Variants in PLEKHA5 observed in about 807,000 individuals in gnomAD.
PLEKHA5 encodes the protein pleckstrin homology domain-containing family A member 5.
Under a neutral mutation model 181.9 loss-of-function variants are expected in PLEKHA5, and 55 were observed. That is an observed-to-expected ratio of 0.30 (90% CI 0.24 to 0.38). The LOEUF (loss-of-function observed/expected upper bound fraction) is 0.38, where lower values mean the gene tolerates loss of function less well. Among genes scored for constraint, PLEKHA5 ranks in the 10% least tolerant of loss-of-function variants. The pLI is 1.00. For missense variants in PLEKHA5, 1,432 were observed against 1,549.5 expected (o/e 0.92, Z 1.27); for synonymous variants, 535 against 529.4 (o/e 1.01, Z -0.15).
At chr12:19,191,993 G>C (rs12818330) in intron 3 of PLEKHA5, among the ~76,000 whole-genome samples, 1 of 152,020 alleles carries the variant, frequency 6.6e-6, no homozygotes, top group Non-Finnish European at 1.5e-5. Context: ...TGCAGGAGGG[G>C]ACTATACAAA....
At chr12:19,154,302 T>C (rs1224542429) in intron 3 of PLEKHA5, 1 of 152,182 alleles carries the variant, frequency 6.6e-6, no homozygotes, top group African/African-American at 2.4e-5. Context: ...TCCAGTTTTA[T>C]AAACTTTTTT....
At chr12:19,366,981 T>C (rs559527522) in intron 30 of PLEKHA5, among the ~76,000 whole-genome samples, 1 of 151,990 alleles carries the variant, frequency 6.6e-6, no homozygotes, top group African/African-American at 2.4e-5. Flanking sequence ...GCAGTGGCGC[T>C]ATCTTGGCTC....
intron 13 of PLEKHA5, among the ~76,000 whole-genome samples, chr12:19,289,309 A>G (rs149902881): frequency 2.0e-5 from 3 of 152,388 alleles, no homozygotes; most frequent in African/African-American, 7.2e-5. Flanking sequence ...TTCTGAAGGC[A>G]ATAATTTTTA....
At chr12:19,201,105 C>T (rs1257856038) in intron 3 of PLEKHA5, 1 of 151,988 alleles carries the variant, frequency 6.6e-6, no homozygotes, top group East Asian at 1.9e-4. Flanking sequence ...ACATATTTGT[C>T]AAATAACTCA....
chr12:19,261,898 T>C (rs543624342), intron 7 of PLEKHA5, among the ~76,000 whole-genome samples: 1 of 152,320 alleles, frequency 6.6e-6, no homozygotes, highest in East Asian at 1.9e-4. Context: ...ACCTTCAAAA[T>C]TTGGAATTAC....
chr12:19,249,062 C>T (rs2064533254), intron 3 of PLEKHA5, among the ~76,000 whole-genome samples: 1 of 152,120 alleles, frequency 6.6e-6, no homozygotes, highest in Non-Finnish European at 1.5e-5. Context: ...GACAGGCATG[C>T]TGATTCATGC....
chr12:19,366,208 AC>A, intron 30 of PLEKHA5, 99 bp downstream of exon 30: 1 of 973,144 alleles, frequency 1.0e-6, no homozygotes, highest in Non-Finnish European at 1.6e-6. Context: ...TCGCTTAAGT[AC>A]CTTGACTACA....
intron 15 of PLEKHA5, chr12:19,303,815 C>CTTGTTT (rs2082298375): frequency 9.3e-6 from 1 of 107,512 alleles, no homozygotes; most frequent in Non-Finnish European, 1.8e-5. Context: ...TTTCTTTGAG[C>CTTGTTT]TTTTTTTTTT....
At chr12:19,159,093 C>A (rs2042399464) in intron 3 of PLEKHA5, among the ~76,000 whole-genome samples, 1 of 152,138 alleles carries the variant, frequency 6.6e-6, no homozygotes, top group Non-Finnish European at 1.5e-5. Flanking sequence ...AATGGAATTT[C>A]TCAGCCTCTG....
rs1263387445 is a variant in PLEKHA5, at chr12:19,334,848, ATATATATATATATATATATATC to A, written c.2449-1665_2449-1644del. Among the ~76,000 whole-genome samples the A allele has an allele frequency of 1.2e-3, 68 of 58,856 alleles. 7 individuals are homozygous for A. Among genetic ancestry groups the A allele is most frequent in the South Asian group, 5.1e-3 (9 of 1,782 alleles). 38.6% of individuals were successfully genotyped at this position (58,856 alleles called of 152,430 possible). A position where few individuals can be genotyped will look rare whatever the true frequency, so the allele number is the denominator to read the frequency against. ...AAAAAAAATATATATATATATATAT[ATATATATATATATATATATATC>A]TCTGTATACGCACACACACACAAAA... On this transcript the variant is annotated intron_variant, in intron 20 of 31. Coordinates refer to ENST00000429027, the MANE Select transcript of PLEKHA5 (RefSeq NM_001256470.2).
chr12:19,169,547 A>T (rs1403070480), intron 3 of PLEKHA5, among the ~76,000 whole-genome samples: 1 of 152,252 alleles, frequency 6.6e-6, no homozygotes, highest in Non-Finnish European at 1.5e-5. Context: ...AAGCTACCAC[A>T]TTAAATGCAC....
chr12:19,369,412 G>A (rs1387164245), intron 30 of PLEKHA5, among the ~76,000 whole-genome samples: 1 of 151,978 alleles, frequency 6.6e-6, no homozygotes, highest in Non-Finnish European at 1.5e-5. Context: ...GAAAATAACA[G>A]GCTGGGCACA....
chr12:19,226,553 C>T (rs1168839204), intron 3 of PLEKHA5, among the ~76,000 whole-genome samples: 1 of 152,156 alleles, frequency 6.6e-6, no homozygotes, highest in Non-Finnish European at 1.5e-5. Context: ...TTCCTGTCAA[C>T]ACTAAATATT....
At chr12:19,301,484 T>G (rs2081446744) in intron 15 of PLEKHA5, among the ~76,000 whole-genome samples, 1 of 145,938 alleles carries the variant, frequency 6.9e-6, no homozygotes, top group East Asian at 2.0e-4. Context: ...GAAAATACAT[T>G]AAGCTACTGA....
At chr12:19,217,191 A>G (rs2058125519) in intron 3 of PLEKHA5, among the ~76,000 whole-genome samples, 1 of 152,220 alleles carries the variant, frequency 6.6e-6, no homozygotes, top group African/African-American at 2.4e-5. Context: ...GTCATGCAAC[A>G]AATATTTTAC....
intron 3 of PLEKHA5, among the ~76,000 whole-genome samples, chr12:19,202,609 G>C (rs2054439667): frequency 6.6e-6 from 1 of 151,824 alleles, no homozygotes; most frequent in South Asian, 2.1e-4. Context: ...GCAGTGTTAA[G>C]ACTCAGCCCG....
chr12:19,159,055 A>C (rs765246924), intron 3 of PLEKHA5, among the ~76,000 whole-genome samples: 1 of 152,196 alleles, frequency 6.6e-6, no homozygotes, highest in Non-Finnish European at 1.5e-5. Flanking sequence ...AATATTTCCT[A>C]ATGTGCTTTT....
chr12:19,348,487 C>T lies in PLEKHA5; in HGVS notation c.2987C>T (p.Pro996Leu). 1.9e-6 allele frequency: 3 copies of T among 1,581,750 alleles called. No individual in the cohort carries two copies. Among genetic ancestry groups the T allele is most frequent in the Non-Finnish European group, 2.6e-6 (3 of 1,169,456 alleles). The stretch of plus-strand genomic sequence containing the variant: ...TCTAATGGAGAAGAAAAATCAGAAC[C>T]TGTTTCAGAGATAGAAACTTCAGTT... ...DESNGEEKSE[P>L]VSEIETSVVK... is the part of the protein sequence containing the mutation. Residue 996 changes from proline to leucine, a missense_variant, in exon 25 of 32, where the codon CCT (proline) becomes CTT (leucine). Physicochemically the swap from Pro to Leu is moderately conservative, Grantham distance 98 (BLOSUM62 -3). This residue lies in a region of PLEKHA5 where 1,143 missense variants were observed against 1,168.4 expected (regional missense o/e 0.98). Coordinates refer to ENST00000429027, the MANE Select transcript of PLEKHA5 (RefSeq NM_001256470.2).
At chr12:19,202,526 A>G (rs1050286871) in intron 3 of PLEKHA5, among the ~76,000 whole-genome samples, 43 of 151,940 alleles carry the variant, frequency 2.8e-4, no homozygotes, top group African/African-American at 7.2e-4. Context: ...CCCTGAGAGT[A>G]TGTGTGTGTG....
Sources: allele counts gnomAD v4.1 joint callset (sites outside exome capture counted in the v4.1 genomes callset), GRCh38; gene constraint gnomAD v4.1.1; regional missense constraint gnomAD v4.1.1; transcripts MANE v1.5; gene names NCBI Gene and HGNC (gene_info 2026-07-23, HGNC 2026-07-21).